The following PTPRZ1 variants were observed in gnomAD, a reference collection of about 807,000 sequenced individuals.
The protein encoded by PTPRZ1 is receptor-type tyrosine-protein phosphatase zeta.
A neutral mutation model predicts 214.1 loss-of-function variants in PTPRZ1; 82 were observed. That is an observed-to-expected ratio of 0.38 (90% CI 0.32 to 0.46). The LOEUF is 0.46. PTPRZ1 is among the 20% of genes least tolerant of loss of function. The pLI, the probability that PTPRZ1 is intolerant of heterozygous loss-of-function variation, is 1.00. For missense variants in PTPRZ1, 2,603 were observed against 2,748.7 expected (o/e 0.95, Z 1.19); for synonymous variants, 945 against 987.9 (o/e 0.96, Z 0.81).
intron 23 of PTPRZ1, among the ~76,000 whole-genome samples, chr7:122,045,595 G>C (rs1170688380): frequency 6.6e-6 from 1 of 151,864 alleles, no homozygotes; most frequent in Admixed American, 6.6e-5. Context: ...ATGCCTTAGG[G>C]GGGAAAAGAG....
At chr7:122,015,333 A>G (rs1798812303) in intron 12 of PTPRZ1, among the ~76,000 whole-genome samples, 1 of 152,196 alleles carries the variant, frequency 6.6e-6, no homozygotes, top group East Asian at 1.9e-4. Context: ...CATAGACATC[A>G]GTCTCATTAG....
At position 122,039,535 on chromosome 7, in the gene PTPRZ1, C is replaced by T. The variant is rs772331995; in HGVS notation, c.5584C>T (p.Leu1862Phe). 2.5e-6 allele frequency: 4 copies of T among 1,613,904 alleles called. No homozygotes were observed. The part of the protein sequence containing the change: ...FLVTQKSVQV[L>F]AYYTVRNFTL... ...GGTCACTCAGAAGAGTGTGCAAGTG[C>T]TTGCCTATTATACTGTGAGGAATTT... Residue 1862 changes from leucine to phenylalanine, a missense_variant, in exon 20 of 30, where the codon CTT becomes TTT. Leu to Phe is a conservative substitution (Grantham distance 22). Coordinates refer to ENST00000393386, the MANE Select transcript of PTPRZ1 (RefSeq NM_002851.3).
At chr7:121,994,826 C>G (rs943543690) in intron 8 of PTPRZ1, among the ~76,000 whole-genome samples, 4 of 152,060 alleles carry the variant, frequency 2.6e-5, no homozygotes, top group Non-Finnish European at 5.9e-5. Context: ...TTTTCTTATT[C>G]TGAATTCATG....
At chr7:121,993,990 G>A (rs1317403109) in intron 8 of PTPRZ1, among the ~76,000 whole-genome samples, 1 of 152,026 alleles carries the variant, frequency 6.6e-6, no homozygotes, top group Non-Finnish European at 1.5e-5. Context: ...ATAAACTCAA[G>A]CTATTAAACA....
At chr7:122,034,443 G>A in intron 17 of PTPRZ1, 65 bp downstream of exon 17, 1 of 1,444,342 alleles carries the variant, frequency 6.9e-7, no homozygotes, top group Non-Finnish European at 9.7e-7. Context: ...TTTTAAAAGT[G>A]TCCTGAAGTC....
At chr7:122,025,104 G>C (rs1178497386) in intron 13 of PTPRZ1, among the ~76,000 whole-genome samples, 1 of 152,026 alleles carries the variant, frequency 6.6e-6, no homozygotes, top group African/African-American at 2.4e-5. Context: ...TTCTACTCCT[G>C]GCACAGTATT....
At chr7:121,921,989 A>T (rs1795612285) in intron 1 of PTPRZ1, among the ~76,000 whole-genome samples, 1 of 152,238 alleles carries the variant, frequency 6.6e-6, no homozygotes, top group Admixed American at 6.5e-5. Flanking sequence ...AGGCTGTATG[A>T]TAATTTAACT....
rs1221414324 is a variant in PTPRZ1, at chr7:122,013,916, T to G, written c.4843+27T>G. On this transcript the variant is annotated intron_variant, in intron 12 of 29. Transcript: ENST00000393386. ...TTAGTTACGGATCAGAAGGACAGATTGAGGTGTGGTGGTTTGCTTGCTCTA... is the reference window on the plus strand; with the variant it reads ...TTAGTTACGGATCAGAAGGACAGATGGAGGTGTGGTGGTTTGCTTGCTCTA... 5 of 1,528,784 alleles carry G rather than the reference T, an allele frequency of 3.3e-6. No homozygotes were observed. The African/African-American group carries it at 6.9e-5, about 21-fold the overall frequency. 94.7% of individuals were successfully genotyped at this position (1,528,784 alleles called of 1,614,324 possible). A position where few individuals can be genotyped will look rare whatever the true frequency, so the allele number is the denominator to read the frequency against.
chr7:122,051,570 G>C (rs1158806187), intron 24 of PTPRZ1, 49 bp downstream of exon 24: 2 of 1,497,984 alleles, frequency 1.3e-6, no homozygotes, highest in Non-Finnish European at 1.8e-6. Flanking sequence ...AATAATAAAA[G>C]CCTTGTAGGA....
At chr7:121,910,585 T>C (rs769074191) in intron 1 of PTPRZ1, among the ~76,000 whole-genome samples, 3 of 150,334 alleles carry the variant, frequency 2.0e-5, no homozygotes, top group Non-Finnish European at 2.9e-5. Flanking sequence ...ATACAGTATG[T>C]AATCAGTATA....
chr7:121,948,728 G>T (rs984330042), intron 2 of PTPRZ1, among the ~76,000 whole-genome samples: 2 of 150,914 alleles, frequency 1.3e-5, no homozygotes, highest in Non-Finnish European at 2.9e-5. Context: ...AAACCTCACA[G>T]TGATGCTGTG....
intron 6 of PTPRZ1, 134 bp from the exon 7 acceptor site, chr7:121,983,530 AT>A: frequency 1.1e-6 from 1 of 869,992 alleles, no homozygotes; most frequent in Non-Finnish European, 1.7e-6. Context: ...CCATTTAAAA[AT>A]ATATCTAAAA....
chr7:121,913,145 T>A (rs1795326359), intron 1 of PTPRZ1, among the ~76,000 whole-genome samples: 1 of 151,984 alleles, frequency 6.6e-6, no homozygotes, highest in Non-Finnish European at 1.5e-5. Flanking sequence ...ACCGTAAAAG[T>A]TAAAGAAATG....
intron 8 of PTPRZ1, among the ~76,000 whole-genome samples, chr7:121,993,247 G>C (rs1387944554): frequency 6.6e-6 from 1 of 152,042 alleles, no homozygotes; most frequent in South Asian, 2.1e-4. Flanking sequence ...GAGTAGGTAT[G>C]CTTCTAATAA....
Position 122,061,103 on chromosome 7 carries a change from A to AGTGATCCTCAGCCTT in PTPRZ1, c.6836_6850dup (p.Ile2279_Val2283dup). ...AGGAGCAGTATCAGTTTCTCTACAA[A>AGTGATCCTCAGCCTT]GTGATCCTCAGCCTTGTGAGCACAA... On this transcript the variant is annotated inframe_insertion, in exon 30 of 30. Coordinates refer to ENST00000393386, the MANE Select transcript of PTPRZ1 (RefSeq NM_002851.3). 1 of 1,609,976 alleles carries AGTGATCCTCAGCCTT rather than the reference A, an allele frequency of 6.2e-7. No homozygotes were observed. The highest frequency in any genetic ancestry group is 1.1e-5 in the South Asian group (1 of 90,524).
chr7:121,912,624 T>C (rs573543726), intron 1 of PTPRZ1, among the ~76,000 whole-genome samples: 1 of 152,104 alleles, frequency 6.6e-6, no homozygotes, highest in Admixed American at 6.6e-5. Flanking sequence ...TGCTTAAGTA[T>C]GTTACAGGGG....
At position 122,019,197 on chromosome 7, in the gene PTPRZ1, A is replaced by G. The variant is rs780006956; in HGVS notation, c.4917A>G (p.Ile1639Met). Residue 1639 changes from isoleucine to methionine, a missense_variant, in exon 13 of 30, where the codon ATA becomes ATG. Physicochemically the swap from Ile to Met is conservative, Grantham distance 10 (BLOSUM62 1). Transcript: ENST00000393386. ...TGGAATCCGAGAAGAAGGCAGTTAT[A>G]CCCCTTGTGATCGTGTCAGCCCTGA... ...EGLESEKKAV[I>M]PLVIVSALTF... 1.2e-6 allele frequency: 2 copies of G among 1,611,002 alleles called. No individual in the cohort carries two copies. The highest frequency in any genetic ancestry group is 1.7e-5 in the Admixed American group (1 of 59,984).
intron 6 of PTPRZ1, among the ~76,000 whole-genome samples, chr7:121,982,141 A>T (rs531859443): frequency 1.3e-5 from 2 of 152,304 alleles, no homozygotes; most frequent in South Asian, 4.1e-4. Flanking sequence ...AGCACTGTTT[A>T]TTGAAAAGAC....
chr7:122,029,724 T>C (rs1799319042), intron 14 of PTPRZ1, among the ~76,000 whole-genome samples: 1 of 151,642 alleles, frequency 6.6e-6, no homozygotes, highest in Non-Finnish European at 1.5e-5. Context: ...TTTACATTTA[T>C]ATGTTGATGT....
Sources: gnomAD v4.1 joint callset for allele counts (sites outside exome capture counted in the v4.1 genomes callset) on GRCh38, gnomAD v4.1.1 for gene constraint, MANE v1.5 for transcripts, NCBI Gene and HGNC (gene_info 2026-07-23, HGNC 2026-07-21) for gene names.